The following CSMD1 variants were observed in gnomAD, a reference collection of about 807,000 sequenced individuals.
CSMD1 encodes CUB and sushi domain-containing protein 1.
In CSMD1, 213 loss-of-function variants were observed where a neutral mutation model predicts 417.5. The observed-to-expected ratio is 0.51, with a 90% CI of 0.46 to 0.57. The LOEUF is 0.57. Ranked by LOEUF, CSMD1 falls within the 20% of genes least tolerant of loss-of-function variation. The pLI is 0.00. For missense variants in CSMD1, 6,923 were observed against 4,529.7 expected (o/e 1.53, Z -15.17); for synonymous variants, 2,862 against 1,736.8 (o/e 1.65, Z -16.11).
intron 2 of CSMD1, among the ~76,000 whole-genome samples, chr8:4,451,225 G>A (rs1799125506): frequency 6.6e-6 from 1 of 152,088 alleles, no homozygotes; most frequent in South Asian, 2.1e-4. Flanking sequence ...CAACTACTTG[G>A]GAGGCTAAGG....
chr8:4,209,622 C>T lies in CSMD1; in HGVS notation c.416-177523G>A, dbSNP rs183537341. On this transcript the variant is annotated intron_variant, in intron 3 of 69. Transcript: ENST00000635120. ...TCCCCGTGATGCAGGAAAGACAAGC[C>T]CCCGAATTGGGGCTTAGCCTGGGAG... 3.6e-3 allele frequency among the ~76,000 whole-genome samples: 552 copies of T among 152,190 alleles called. 8 individuals are homozygous for T. Among genetic ancestry groups the T allele is most frequent in the Non-Finnish European group, 4.4e-3 (299 of 68,000 alleles).
intron 8 of CSMD1, among the ~76,000 whole-genome samples, chr8:3,614,327 C>G (rs966988787): frequency 6.6e-5 from 10 of 152,018 alleles, no homozygotes; most frequent in African/African-American, 2.4e-4. Flanking sequence ...TACGTCTGCA[C>G]AACCTAGATT....
intron 5 of CSMD1, among the ~76,000 whole-genome samples, chr8:3,761,649 G>A (rs975015207): frequency 1.3e-5 from 2 of 151,810 alleles, no homozygotes; most frequent in African/African-American, 4.8e-5. Context: ...GGGATTATAG[G>A]CACAAACCAC....
chr8:4,421,269 G>C (rs1217538), intron 2 of CSMD1, among the ~76,000 whole-genome samples: 2,933 of 152,268 alleles, frequency 0.019, 86 homozygotes, highest in African/African-American at 0.066. Flanking sequence ...AAAACAGTGA[G>C]TTTAAATTCT....
intron 54 of CSMD1, among the ~76,000 whole-genome samples, chr8:2,989,447 A>T (rs1405427043): frequency 6.6e-6 from 1 of 152,218 alleles, no homozygotes; most frequent in Non-Finnish European, 1.5e-5. Context: ...CATGCCAATG[A>T]TGGTCCATTA....
At chr8:4,488,830 A>C (rs1027121771) in intron 2 of CSMD1, among the ~76,000 whole-genome samples, 5 of 152,204 alleles carry the variant, frequency 3.3e-5, no homozygotes, top group Admixed American at 2.6e-4. Context: ...AGAGATCGCC[A>C]GTTCCTTCCT....
intron 5 of CSMD1, among the ~76,000 whole-genome samples, chr8:3,867,097 T>A (rs1475580562): frequency 6.6e-6 from 1 of 152,208 alleles, no homozygotes; most frequent in Non-Finnish European, 1.5e-5. Flanking sequence ...ATTGTAACCA[T>A]TTTGATTGAT....
rs1797159631 is a variant in CSMD1 at position 4,420,033 on chromosome 8, A to G, written c.335T>C (p.Val112Ala). Residue 112 changes from valine (V) to alanine (A), a missense_variant, in exon 3 of 70, where the codon GTG (valine) becomes GCG (alanine). Physicochemically the swap from Val to Ala is moderately conservative, Grantham distance 64 (BLOSUM62 0). Coordinates refer to ENST00000635120, the MANE Select transcript of CSMD1 (RefSeq NM_033225.6). ...CAGAGTGAGGATAGATCCTGTACTC[A>G]CTATAGAGGAGGGCAGCTGAAATCC... Reference protein sequence around the residue: ...LSGFQLPSSIVSTGSILTLWF... With the variant: ...LSGFQLPSSIASTGSILTLWF... 2 of 1,578,214 alleles carry G rather than the reference A, an allele frequency of 1.3e-6. No homozygotes were observed. The highest frequency in any genetic ancestry group is 1.7e-6 in the Non-Finnish European group (2 of 1,160,640).
rs998610328 is a variant in CSMD1, at chr8:3,562,193, G to A, written c.1344+12752C>T. Among the ~76,000 whole-genome samples the A allele has an allele frequency of 5.3e-5, 8 of 152,240 alleles. No homozygotes were observed. The South Asian group carries it at 1.7e-3, about 32-fold the overall frequency. ...TAGTAGGTGGGGAAAGATGGAAAGT[G>A]AATGTTAAAATAATGATGTAGAATA... On this transcript the variant is annotated intron_variant, in intron 10 of 69. Transcript: ENST00000635120.
At chr8:4,413,603 C>G (rs145230356) in intron 3 of CSMD1, among the ~76,000 whole-genome samples, 27 of 150,000 alleles carry the variant, frequency 1.8e-4, no homozygotes, top group East Asian at 2.0e-4. Flanking sequence ...TGAGATCTAC[C>G]CTTATAACGA....
chr8:3,867,687 T>C lies in CSMD1; in HGVS notation c.819-113645A>G, dbSNP rs555040501. Among the ~76,000 whole-genome samples the C allele has an allele frequency of 5.9e-5, 9 of 152,264 alleles. No individual in the cohort carries two copies. The East Asian group carries it at 1.7e-3, about 29-fold the overall frequency. On this transcript the variant is annotated intron_variant, in intron 5 of 69. Transcript: ENST00000635120. ...TAATCTTCACAGAAACCTAGAACCATGTACTACACTTAACTCATGCAGTTG... is the reference window on the plus strand; with the variant it reads ...TAATCTTCACAGAAACCTAGAACCACGTACTACACTTAACTCATGCAGTTG...
At chr8:4,209,259 C>A (rs1382752305) in intron 3 of CSMD1, among the ~76,000 whole-genome samples, 2 of 152,274 alleles carry the variant, frequency 1.3e-5, no homozygotes, top group African/African-American at 2.4e-5. Context: ...AAAGAGGCAG[C>A]CAGCTGGCCT....
chr8:4,590,798 TA>T (rs767513685), intron 2 of CSMD1, among the ~76,000 whole-genome samples: 1 of 152,174 alleles, frequency 6.6e-6, no homozygotes, highest in Non-Finnish European at 1.5e-5. Flanking sequence ...ATTTTTTTCC[TA>T]AAATAATTTT....
chr8:4,047,172 G>C (rs1333186381), intron 3 of CSMD1, among the ~76,000 whole-genome samples: 1 of 152,162 alleles, frequency 6.6e-6, no homozygotes, highest in Non-Finnish European at 1.5e-5. Flanking sequence ...TGACCTATCT[G>C]ACCTGTGCTG....
chr8:3,745,225 T>C (rs921910273), intron 6 of CSMD1, among the ~76,000 whole-genome samples: 1 of 152,204 alleles, frequency 6.6e-6, no homozygotes, highest in African/African-American at 2.4e-5. Flanking sequence ...AATTGTAGAC[T>C]ATGCCATGGT....
intron 54 of CSMD1, among the ~76,000 whole-genome samples, chr8:2,988,927 C>T (rs1237138494): frequency 6.6e-6 from 1 of 152,104 alleles, no homozygotes; most frequent in Admixed American, 6.6e-5. Flanking sequence ...ACGGATTTAC[C>T]TGGGGCTCTG....
At chr8:4,593,942 G>A (rs948354451) in intron 2 of CSMD1, among the ~76,000 whole-genome samples, 20 of 152,044 alleles carry the variant, frequency 1.3e-4, no homozygotes, top group African/African-American at 4.3e-4. Flanking sequence ...CAAAATGTCA[G>A]GAGGATCACG....
chr8:4,434,442 T>G (rs894528649), intron 2 of CSMD1, among the ~76,000 whole-genome samples: 1 of 152,312 alleles, frequency 6.6e-6, no homozygotes, highest in African/African-American at 2.4e-5. Flanking sequence ...AGCCCTTGGC[T>G]TTGTGACCCA....
intron 5 of CSMD1, among the ~76,000 whole-genome samples, chr8:3,977,111 A>G (rs1238031108): frequency 2.6e-5 from 4 of 152,148 alleles, no homozygotes; most frequent in Non-Finnish European, 5.9e-5. Flanking sequence ...TAATTTCTGC[A>G]TTATAAAATC....
Sources: gnomAD v4.1 joint callset for allele counts (sites outside exome capture counted in the v4.1 genomes callset) on GRCh38, gnomAD v4.1.1 for gene constraint, MANE v1.5 for transcripts, NCBI Gene and HGNC (gene_info 2026-07-23, HGNC 2026-07-21) for gene names.